Variants in NRXN3 observed in about 807,000 individuals in gnomAD.
NRXN3 encodes neurexin III.
NRXN3 carries 32 observed loss-of-function variants against 137.6 expected under a neutral mutation model. The ratio of observed to expected loss-of-function variants is 0.23; its 90% CI spans 0.18 to 0.31. The LOEUF is 0.31. Ranked by LOEUF, NRXN3 falls within the 10% of genes least tolerant of loss-of-function variation. NRXN3 has a pLI of 1.00. For synonymous variants in NRXN3, 798 were observed against 784.5 expected (o/e 1.02, Z -0.29); for missense variants, 1,574 against 2,062.5 (o/e 0.76, Z 4.59).
At chr14:79,205,146 A>G (rs1309289663) in intron 15 of NRXN3, among the ~76,000 whole-genome samples, 4 of 152,206 alleles carry the variant, frequency 2.6e-5, no homozygotes, top group African/African-American at 7.2e-5. Context: ...TGGACAAGGA[A>G]TTAAAATTTA....
intron 4 of NRXN3, among the ~76,000 whole-genome samples, chr14:78,554,276 C>T (rs561740326): frequency 3.5e-4 from 54 of 152,240 alleles, no homozygotes; most frequent in African/African-American, 1.2e-3. Flanking sequence ...TTGGCGGTCA[C>T]GACCAAGCGA....
At chr14:79,660,962 G>T (rs1279627759) in intron 16 of NRXN3, among the ~76,000 whole-genome samples, 3 of 152,056 alleles carry the variant, frequency 2.0e-5, no homozygotes, top group African/African-American at 7.2e-5. Context: ...GTCGTGGGCA[G>T]TGACACACAC....
chr14:79,198,735 T>C (rs1188462876), intron 15 of NRXN3, among the ~76,000 whole-genome samples: 1 of 152,174 alleles, frequency 6.6e-6, no homozygotes, highest in Non-Finnish European at 1.5e-5. Flanking sequence ...TGTTAGCTGG[T>C]TTACTTAGAA....
At chr14:78,506,584 G>GT (rs2095996033) in intron 4 of NRXN3, among the ~76,000 whole-genome samples, 1 of 143,456 alleles carries the variant, frequency 7.0e-6, no homozygotes, top group Non-Finnish European at 1.5e-5. Flanking sequence ...GTTGTTATCA[G>GT]TTTTTTTGGA....
intron 16 of NRXN3, among the ~76,000 whole-genome samples, chr14:79,586,570 T>G (rs974412552): frequency 6.6e-6 from 1 of 151,908 alleles, no homozygotes; most frequent in African/African-American, 2.4e-5. Context: ...TAGTGAAACA[T>G]TAACTACACC....
chr14:78,415,094 A>T (rs997481990), intron 4 of NRXN3, among the ~76,000 whole-genome samples: 1 of 152,192 alleles, frequency 6.6e-6, no homozygotes, highest in African/African-American at 2.4e-5. Flanking sequence ...ATACAGACAG[A>T]CTTGAGAAAC....
At chr14:79,136,341 A>G (rs2058226221) in intron 15 of NRXN3, among the ~76,000 whole-genome samples, 1 of 152,254 alleles carries the variant, frequency 6.6e-6, no homozygotes, top group African/African-American at 2.4e-5. Flanking sequence ...CTGTCAGCCT[A>G]TGCTCAAAGT....
At chr14:79,216,871 T>C (rs2153229536) in intron 15 of NRXN3, among the ~76,000 whole-genome samples, 1 of 152,304 alleles carries the variant, frequency 6.6e-6, no homozygotes, top group Admixed American at 6.5e-5. Flanking sequence ...GCACAGTGGC[T>C]CACGCCTGTA....
chr14:79,076,972 C>CAA, intron 15 of NRXN3, among the ~76,000 whole-genome samples: 1 of 152,232 alleles, frequency 6.6e-6, no homozygotes, highest in Admixed American at 6.5e-5. Context: ...TTACTAAAAA[C>CAA]AAAGAGTCTC....
intron 4 of NRXN3, among the ~76,000 whole-genome samples, chr14:78,463,485 G>A (rs4903763): frequency 0.87 from 131,874 of 151,358 alleles, 58,032 homozygotes; most frequent in East Asian, 0.96. Context: ...ACTATTTTCC[G>A]TAGAGGTTGT....
At chr14:79,268,315 T>C (rs1251223180) in intron 15 of NRXN3, among the ~76,000 whole-genome samples, 1 of 152,240 alleles carries the variant, frequency 6.6e-6, no homozygotes, top group African/African-American at 2.4e-5. Context: ...TTTTTAGATG[T>C]AAAGTCTATT....
At chr14:78,991,080 C>T (rs548801490) in intron 15 of NRXN3, among the ~76,000 whole-genome samples, 1 of 152,174 alleles carries the variant, frequency 6.6e-6, no homozygotes, top group Non-Finnish European at 1.5e-5. Flanking sequence ...TCATCACCGG[C>T]AGACTTGAAT....
intron 1 of NRXN3, among the ~76,000 whole-genome samples, chr14:78,217,133 A>T (rs1296986249): frequency 6.6e-6 from 1 of 152,224 alleles, no homozygotes; most frequent in Non-Finnish European, 1.5e-5. Context: ...TATTTGATTT[A>T]AAAATTACCC....
intron 16 of NRXN3, among the ~76,000 whole-genome samples, chr14:79,631,832 C>T (rs2098353504): frequency 7.0e-6 from 1 of 142,652 alleles, no homozygotes; most frequent in African/African-American, 2.8e-5. Flanking sequence ...AGGTAGGGGA[C>T]TTGGAGACCT....
chr14:78,472,234 G>A (rs184617381), intron 4 of NRXN3, among the ~76,000 whole-genome samples: 2 of 152,292 alleles, frequency 1.3e-5, no homozygotes, highest in Non-Finnish European at 2.9e-5. Context: ...TCTTTGGGAT[G>A]TGGAGGTGGT....
intron 10 of NRXN3, among the ~76,000 whole-genome samples, chr14:78,828,008 A>G (rs973797516): frequency 1.3e-5 from 2 of 152,218 alleles, no homozygotes; most frequent in African/African-American, 4.8e-5. Flanking sequence ...GTAACAAAGA[A>G]TGGGTTTACT....
At chr14:79,712,313 C>T (rs1009971710) in intron 19 of NRXN3, among the ~76,000 whole-genome samples, 1 of 152,202 alleles carries the variant, frequency 6.6e-6, no homozygotes, top group South Asian at 2.1e-4. Flanking sequence ...CTCATGCTCT[C>T]CCTGCCCTAC....
At chr14:78,839,639 C>T (rs139480289) in intron 10 of NRXN3, among the ~76,000 whole-genome samples, 78 of 152,210 alleles carry the variant, frequency 5.1e-4, no homozygotes, top group Admixed American at 1.7e-3. Flanking sequence ...GTGTAAAGGG[C>T]GAGTATGTTG....
At chr14:79,631,147 A>G (rs370144117) in intron 16 of NRXN3, among the ~76,000 whole-genome samples, 1 of 152,256 alleles carries the variant, frequency 6.6e-6, no homozygotes, top group East Asian at 1.9e-4. Flanking sequence ...GGGAACAGCT[A>G]AGACAAGGTC....
Sources: allele counts gnomAD v4.1 joint callset (sites outside exome capture counted in the v4.1 genomes callset), GRCh38; gene constraint gnomAD v4.1.1; transcripts MANE v1.5; gene names NCBI Gene and HGNC (gene_info 2026-07-23, HGNC 2026-07-21).